Variants in SLC9B2 observed in about 807,000 individuals in gnomAD.
SLC9B2 encodes the protein sodium/hydrogen exchanger 9B2.
Under a neutral mutation model 52.2 loss-of-function variants are expected in SLC9B2, and 39 were observed. That is an observed-to-expected ratio of 0.75 (90% confidence interval 0.58 to 0.98). The LOEUF is 0.98. Among genes scored for constraint, SLC9B2 ranks in the 50% least tolerant of loss-of-function variants. SLC9B2 has a pLI of 0.00. For missense variants in SLC9B2, 626 were observed against 637.5 expected, an observed-to-expected ratio of 0.98 and a Z score of 0.19; for synonymous variants, 214 against 227.0, an observed-to-expected ratio of 0.94 and a Z score of 0.51.
chr4:103,047,083 A>C lies in SLC9B2; in HGVS notation c.857T>G (p.Phe286Cys), dbSNP rs1276381365. 6 of 1,613,938 alleles carry C rather than the reference A, an allele frequency of 3.7e-6. No homozygotes were observed. Among genetic ancestry groups the C allele is most frequent in the Non-Finnish European group, 5.1e-6 (6 of 1,179,960 alleles). ...AAAGGCTATGCCCAAGCATGTGTTG[A>C]AGCCAGTGATGGCCAGAATGTCATC... is the stretch of plus-strand genomic sequence containing the variant. ...SFDDILAITG[F>C]NTCLGIAFST... The change falls in exon 7 of 12, where the codon TTC (phenylalanine) becomes TGC (cysteine). Residue 286 changes from phenylalanine (F) to cysteine (C), a missense_variant. Transcript: ENST00000394785.
intron 10 of SLC9B2, among the ~76,000 whole-genome samples, 155 bp downstream of exon 10, chr4:103,031,544 AC>A (rs1412910826): frequency 2.0e-5 from 3 of 152,204 alleles, no homozygotes; most frequent in African/African-American, 7.2e-5. Flanking sequence ...TAAAAAACTT[AC>A]ATCATAATTA....
chr4:103,045,969 T>C (rs1020222383), intron 7 of SLC9B2, among the ~76,000 whole-genome samples: 2 of 152,180 alleles, frequency 1.3e-5, no homozygotes, highest in African/African-American at 4.8e-5. Context: ...AATAGGAGTA[T>C]GAATTTGACT....
intron 4 of SLC9B2, among the ~76,000 whole-genome samples, chr4:103,056,883 G>A (rs562700854): frequency 6.6e-6 from 1 of 152,294 alleles, no homozygotes; most frequent in East Asian, 1.9e-4. Context: ...GAATGAGCAA[G>A]TGCAGTGTTA....
intron 1 of SLC9B2, among the ~76,000 whole-genome samples, chr4:103,072,527 T>C (rs574358027): frequency 2.6e-5 from 4 of 152,360 alleles, no homozygotes; most frequent in East Asian, 3.9e-4. Flanking sequence ...TGTTTTCACA[T>C]AGAGAGATAT....
Position 103,022,696 on chromosome 4 carries a change from T to C in SLC9B2, c.*3674A>G, listed in dbSNP as rs1306523296. Among the ~76,000 whole-genome samples the C allele has an allele frequency of 6.6e-6, 1 of 152,190 alleles. No individual in the cohort carries two copies. The highest frequency in any genetic ancestry group is 2.4e-5 in the African/African-American group (1 of 41,452). The stretch of plus-strand genomic sequence containing the variant: ...GTTAATACCAGACAGAAATATACTG[T>C]CCTTGGAAATATGACACTTCTTTCA... On this transcript the variant is annotated 3_prime_UTR_variant, in exon 12 of 12. Coordinates refer to ENST00000394785, the MANE Select transcript of SLC9B2 (RefSeq NM_178833.7).
At chr4:103,041,452 C>T (rs928190506) in intron 9 of SLC9B2, among the ~76,000 whole-genome samples, 1 of 152,158 alleles carries the variant, frequency 6.6e-6, no homozygotes, top group South Asian at 2.1e-4. Context: ...TATAGTTTCT[C>T]TGAATAACAG....
At chr4:103,045,379 C>T (rs1744029794) in intron 7 of SLC9B2, among the ~76,000 whole-genome samples, 2 of 152,074 alleles carry the variant, frequency 1.3e-5, no homozygotes, top group Non-Finnish European at 2.9e-5. Context: ...TAGCTAGGAT[C>T]GCTTTCTACC....
chr4:103,052,758 G>A (rs1259415125), intron 4 of SLC9B2, among the ~76,000 whole-genome samples: 2 of 151,372 alleles, frequency 1.3e-5, no homozygotes, highest in African/African-American at 4.9e-5. Flanking sequence ...TGTTGCCCAG[G>A]TTGGTCTCAA....
At chr4:103,057,526 C>T (rs1745259773) in intron 4 of SLC9B2, among the ~76,000 whole-genome samples, 1 of 151,808 alleles carries the variant, frequency 6.6e-6, no homozygotes, top group African/African-American at 2.4e-5. Flanking sequence ...TGGCTGGTCT[C>T]GAACTCCAGA....
At chr4:103,050,504 A>G in intron 4 of SLC9B2, 122 bp from the exon 5 acceptor site, 1 of 900,908 alleles carries the variant, frequency 1.1e-6, no homozygotes. Flanking sequence ...CTTAGAAGAA[A>G]TTAAGTTAAA....
At chr4:103,056,540 G>C (rs1363909770) in intron 4 of SLC9B2, among the ~76,000 whole-genome samples, 1 of 152,180 alleles carries the variant, frequency 6.6e-6, no homozygotes, top group Non-Finnish European at 1.5e-5. Flanking sequence ...GAGCCACCAT[G>C]ATCGGCCAAT....
chr4:103,076,126 G>C (rs1268516237), intron 1 of SLC9B2, 58 bp downstream of exon 1: 2 of 152,312 alleles, frequency 1.3e-5, no homozygotes, highest in Non-Finnish European at 2.9e-5. Flanking sequence ...AGGCCTACAG[G>C]GTACCCGCCG....
intron 1 of SLC9B2, among the ~76,000 whole-genome samples, chr4:103,068,701 T>C (rs889546252): frequency 6.6e-6 from 1 of 152,194 alleles, no homozygotes; most frequent in African/African-American, 2.4e-5. Context: ...TTACTCCTAA[T>C]GCAACAAGTA....
At chr4:103,051,286 G>T (rs1744664824) in intron 4 of SLC9B2, among the ~76,000 whole-genome samples, 1 of 152,304 alleles carries the variant, frequency 6.6e-6, no homozygotes, top group South Asian at 2.1e-4. Context: ...AAAGGGAAAG[G>T]TTTCTGTGAG....
At chr4:103,018,790 C>T (rs1261990392), downstream of SLC9B2, among the ~76,000 whole-genome samples, 2 of 152,130 alleles carry the variant, frequency 1.3e-5, no homozygotes, top group African/African-American at 2.4e-5. Context: ...AGCAGGGATC[C>T]CCAACCCCTG....
At chr4:103,061,565 C>T (rs893127744) in intron 3 of SLC9B2, among the ~76,000 whole-genome samples, 6 of 152,020 alleles carry the variant, frequency 3.9e-5, no homozygotes, top group Admixed American at 6.6e-5. Flanking sequence ...TGTTAAATGA[C>T]GAGTTAATGG....
rs1193642015 is a variant in SLC9B2, at chr4:103,072,531, G to C, written c.-43+3653C>G. On this transcript the variant is annotated intron_variant, in intron 1 of 11. Coordinates refer to ENST00000394785, the MANE Select transcript of SLC9B2 (RefSeq NM_178833.7). ...TTCTGTAAATATGTTTTCACATAGA[G>C]AGATATTTGTTAAATGTTCTCTTTT... is the stretch of plus-strand genomic sequence containing the variant. 2.0e-5 allele frequency among the ~76,000 whole-genome samples: 3 copies of C among 152,184 alleles called. No individual in the cohort carries two copies. In the East Asian group the frequency reaches 5.8e-4, roughly 29 times the overall value.
At chr4:103,075,506 G>A (rs902062221) in intron 1 of SLC9B2, among the ~76,000 whole-genome samples, 2 of 152,180 alleles carry the variant, frequency 1.3e-5, no homozygotes, top group African/African-American at 4.8e-5. Flanking sequence ...AGACTGATAT[G>A]TGTTTACCAA....
intron 3 of SLC9B2, among the ~76,000 whole-genome samples, chr4:103,065,096 G>A (rs1215352717): frequency 6.6e-6 from 1 of 151,480 alleles, no homozygotes; most frequent in African/African-American, 2.4e-5. Context: ...GAAAGTGGCA[G>A]GAAGACCATG....
Sources: gnomAD v4.1 joint callset for allele counts (sites outside exome capture counted in the v4.1 genomes callset) on GRCh38, gnomAD v4.1.1 for gene constraint, MANE v1.5 for transcripts, NCBI Gene and HGNC (gene_info 2026-07-23, HGNC 2026-07-21) for gene names.